The following MIPOL1 variants were observed in gnomAD, a reference collection of about 807,000 sequenced individuals.
The protein encoded by MIPOL1 is mirror-image polydactyly gene 1 protein.
A neutral mutation model predicts 60.9 loss-of-function variants in MIPOL1; 57 were observed. The observed-to-expected ratio is 0.94, with a 90% confidence interval of 0.76 to 1.17. The LOEUF is 1.17. Ranked by LOEUF, MIPOL1 falls within the 50% of genes most tolerant of loss-of-function variation. The pLI, the probability that MIPOL1 is intolerant of heterozygous loss-of-function variation, is 0.00. For missense variants in MIPOL1, 551 were observed against 511.6 expected, an observed-to-expected ratio of 1.08 and a Z score of -0.74; for synonymous variants, 179 against 168.8, an observed-to-expected ratio of 1.06 and a Z score of -0.47.
intron 9 of MIPOL1, among the ~76,000 whole-genome samples, chr14:37,313,654 A>G (rs1157205503): frequency 1.3e-5 from 2 of 152,284 alleles, no homozygotes; most frequent in East Asian, 1.9e-4. Flanking sequence ...ATAAAGGAAG[A>G]AAGTGGTAAA....
chr14:37,392,696 G>T (rs2093278061), intron 10 of MIPOL1, among the ~76,000 whole-genome samples: 2 of 152,060 alleles, frequency 1.3e-5, no homozygotes, highest in South Asian at 4.1e-4. Flanking sequence ...AAAGTTTTAG[G>T]CACTGACTAG....
chr14:37,286,195 T>G (rs1187957281), intron 7 of MIPOL1, among the ~76,000 whole-genome samples: 1 of 152,210 alleles, frequency 6.6e-6, no homozygotes, highest in Non-Finnish European at 1.5e-5. Flanking sequence ...TAAATGTGAG[T>G]GATACTTGAA....
In MIPOL1 at chr14:37,267,132, G is replaced by A. The variant is rs1481198146; in HGVS notation, c.214G>A (p.Asp72Asn). 1.2e-5 allele frequency: 19 copies of A among 1,613,736 alleles called. No individual in the cohort carries two copies. Among genetic ancestry groups the A allele is most frequent in the Non-Finnish European group, 1.5e-5 (18 of 1,179,872 alleles). ...TNFQIISSYP[D>N]DESVYCTTEK... ...TTTTCAGATCATCAGTTCTTATCCAGATGATGAGTCTGTTTACTGCACTAC... is the reference window on the plus strand; with the variant it reads ...TTTTCAGATCATCAGTTCTTATCCAAATGATGAGTCTGTTTACTGCACTAC... The change falls in exon 4 of 13, where the codon GAT (aspartate) becomes AAT (asparagine). Residue 72 changes from aspartate to asparagine, a missense_variant. Physicochemically the swap from Asp to Asn is conservative, Grantham distance 23. Coordinates refer to ENST00000684589, the MANE Select transcript of MIPOL1 (RefSeq NM_001388067.1).
intron 11 of MIPOL1, among the ~76,000 whole-genome samples, chr14:37,441,922 C>G (rs1164295642): frequency 6.6e-6 from 1 of 151,958 alleles, no homozygotes; most frequent in African/African-American, 2.4e-5. Flanking sequence ...CCATTTGTTT[C>G]TGTCAGCTAC....
intron 10 of MIPOL1, among the ~76,000 whole-genome samples, chr14:37,396,135 G>A (rs1336274078): frequency 6.6e-6 from 1 of 151,710 alleles, no homozygotes; most frequent in Admixed American, 6.6e-5. Context: ...TCCAGGATTT[G>A]TTTCAAGATT....
chr14:37,215,525 A>G (rs1315119402), intron 1 of MIPOL1, among the ~76,000 whole-genome samples: 1 of 152,220 alleles, frequency 6.6e-6, no homozygotes, highest in East Asian at 1.9e-4. Flanking sequence ...GGATGACATC[A>G]CCAATGAAAA....
intron 9 of MIPOL1, among the ~76,000 whole-genome samples, chr14:37,338,931 T>G (rs2153460721): frequency 6.6e-6 from 1 of 152,198 alleles, no homozygotes; most frequent in Non-Finnish European, 1.5e-5. Flanking sequence ...TAGGGAGGAT[T>G]TGAAAGAAGA....
At chr14:37,268,905 C>G in intron 5 of MIPOL1, 112 bp downstream of exon 5, 1 of 892,560 alleles carries the variant, frequency 1.1e-6, no homozygotes, top group Non-Finnish European at 1.6e-6. Context: ...AATCATTTAA[C>G]AGTAGCTTTA....
intron 5 of MIPOL1, 38 bp from the exon 6 acceptor site, chr14:37,270,382 T>C: frequency 1.8e-6 from 2 of 1,111,846 alleles, no homozygotes; most frequent in Non-Finnish European, 2.5e-6. Flanking sequence ...AAGACATTTG[T>C]CAAATAAGAA....
intron 6 of MIPOL1, among the ~76,000 whole-genome samples, chr14:37,285,084 C>T (rs190563315): frequency 4.1e-4 from 63 of 152,216 alleles, no homozygotes; most frequent in Middle Eastern, 6.8e-3. Flanking sequence ...ACAACATTTG[C>T]TATTATCAGA....
chr14:37,256,780 A>G (rs1975005789), intron 3 of MIPOL1, among the ~76,000 whole-genome samples: 1 of 145,916 alleles, frequency 6.9e-6, no homozygotes, highest in African/African-American at 2.5e-5. Context: ...CATTTTTAAT[A>G]GGACTTTTGC....
chr14:37,505,778 T>A (rs567553810), intron 12 of MIPOL1: 1 of 152,236 alleles, frequency 6.6e-6, no homozygotes, highest in East Asian at 1.9e-4. Context: ...GAGAAAGAAA[T>A]AAAGGGTATT....
intron 12 of MIPOL1, among the ~76,000 whole-genome samples, chr14:37,514,710 C>G (rs1368468934): frequency 6.6e-6 from 1 of 152,034 alleles, no homozygotes; most frequent in Admixed American, 6.6e-5. Context: ...CAACCTCCGC[C>G]TCCCGAGTTC....
chr14:37,310,356 C>G (rs1021764504), intron 9 of MIPOL1, among the ~76,000 whole-genome samples: 2 of 152,096 alleles, frequency 1.3e-5, no homozygotes, highest in African/African-American at 4.8e-5. Context: ...TATTCACTCT[C>G]CCCTCTAGAG....
intron 1 of MIPOL1, among the ~76,000 whole-genome samples, chr14:37,207,732 GA>G (rs1966316960): frequency 1.3e-5 from 2 of 149,344 alleles, no homozygotes; most frequent in Admixed American, 1.3e-4. Context: ...TTTTAGTAGA[GA>G]TGGGGTTTTA....
intron 11 of MIPOL1, among the ~76,000 whole-genome samples, chr14:37,473,348 G>A (rs1594563984): frequency 2.0e-5 from 3 of 152,066 alleles, no homozygotes; most frequent in South Asian, 2.1e-4. Context: ...TAAGAACTGT[G>A]AGCCAAATAA....
At chr14:37,423,637 T>G in intron 11 of MIPOL1, 1 of 152,074 alleles carries the variant, frequency 6.6e-6, no homozygotes, top group Non-Finnish European at 1.5e-5. Context: ...CACAATGCCA[T>G]GTATATTCTT....
At chr14:37,372,732 G>A (rs1255400603) in intron 10 of MIPOL1, among the ~76,000 whole-genome samples, 1 of 138,554 alleles carries the variant, frequency 7.2e-6, no homozygotes, top group Admixed American at 7.7e-5. Context: ...TCCAGCCTGG[G>A]CAACAGAGTG....
chr14:37,451,919 A>G (rs1339503064), intron 11 of MIPOL1, among the ~76,000 whole-genome samples: 1 of 141,268 alleles, frequency 7.1e-6, no homozygotes, highest in African/African-American at 2.7e-5. Flanking sequence ...GGTTCACGCC[A>G]TTCTCCTGCC....
Sources: gnomAD v4.1 joint callset for allele counts (sites outside exome capture counted in the v4.1 genomes callset) on GRCh38, gnomAD v4.1.1 for gene constraint, MANE v1.5 for transcripts, NCBI Gene and HGNC (gene_info 2026-07-23, HGNC 2026-07-21) for gene names.